The following VWA8 variants were observed in gnomAD, a reference collection of about 807,000 sequenced individuals.
VWA8 encodes the protein von Willebrand factor A domain containing 8.
Under a neutral mutation model 241.5 loss-of-function variants are expected in VWA8, and 221 were observed. The observed-to-expected ratio is 0.91, with a 90% CI of 0.82 to 1.02. The LOEUF (loss-of-function observed/expected upper bound fraction) is 1.02. Among genes scored for constraint, VWA8 ranks in the 50% least tolerant of loss-of-function variants. The pLI, the probability that VWA8 is intolerant of heterozygous loss-of-function variation, is 0.00. For missense variants in VWA8, 2,322 were observed against 2,328.7 expected (o/e 1.00, Z 0.06); for synonymous variants, 852 against 827.1 (o/e 1.03, Z -0.52).
chr13:41,806,220 T>C (rs987550827), intron 17 of VWA8, among the ~76,000 whole-genome samples: 1 of 151,968 alleles, frequency 6.6e-6, no homozygotes, highest in Non-Finnish European at 1.5e-5. Flanking sequence ...CTATAGGATA[T>C]AGCGAAAACA....
chr13:41,889,284 C>T (rs769690850), intron 5 of VWA8, among the ~76,000 whole-genome samples: 11 of 151,962 alleles, frequency 7.2e-5, no homozygotes, highest in East Asian at 1.9e-4. Context: ...TAACATTTAC[C>T]GATAAAAACT....
chr13:41,881,040 G>A (rs1874146677), intron 9 of VWA8, among the ~76,000 whole-genome samples: 1 of 152,122 alleles, frequency 6.6e-6, no homozygotes, highest in African/African-American at 2.4e-5. Flanking sequence ...CACTTTAAAA[G>A]AGAACTCCCA....
Position 41,589,973 on chromosome 13 carries a change from T to C in VWA8, c.5112+667A>G, listed in dbSNP as rs143643382. Among the ~76,000 whole-genome samples the C allele has an allele frequency of 3.6e-3, 543 of 152,362 alleles. 3 individuals are homozygous for C. Among genetic ancestry groups the C allele is most frequent in the African/African-American group, 0.012 (516 of 41,582 alleles). On this transcript the variant is annotated intron_variant, in intron 41 of 44. Transcript: ENST00000379310. ...TTGGTTTCACCCCGGTGCACATTAATACATTTGTATGCCTCTTCTCCTATT... is the reference window on the plus strand; with the variant it reads ...TTGGTTTCACCCCGGTGCACATTAACACATTTGTATGCCTCTTCTCCTATT...
intron 15 of VWA8, among the ~76,000 whole-genome samples, chr13:41,817,008 T>C (rs1566468895): frequency 6.6e-6 from 1 of 152,156 alleles, no homozygotes; most frequent in African/African-American, 2.4e-5. Flanking sequence ...AAGACACTCT[T>C]CTCCATATAC....
Position 41,895,396 on chromosome 13 carries a change from CAG to C in VWA8, c.484-3811_484-3810del, listed in dbSNP as rs573765044. On this transcript the variant is annotated intron_variant, in intron 4 of 44. Coordinates refer to ENST00000379310, the MANE Select transcript of VWA8 (RefSeq NM_015058.2). The stretch of plus-strand genomic sequence containing the variant: ...CACATCTAGAGGTTACTAGTAATCT[CAG>C]AGAGTCTGGTTTTACTAGGCATAGG... 5.8e-3 allele frequency among the ~76,000 whole-genome samples: 886 copies of C among 152,242 alleles called. 12 individuals carry two copies. Among genetic ancestry groups the C allele is most frequent in the Non-Finnish European group, 9.6e-3 (650 of 67,998 alleles).
chr13:41,901,889 A>AAAT (rs1566500253), intron 4 of VWA8, among the ~76,000 whole-genome samples: 10 of 83,340 alleles, frequency 1.2e-4, no homozygotes, highest in Admixed American at 5.1e-4. Flanking sequence ...AAAAAAAAAA[A>AAAT]ATATATATAT....
chr13:41,843,615 GAGA>G (rs1872155838), intron 12 of VWA8, among the ~76,000 whole-genome samples: 1 of 152,024 alleles, frequency 6.6e-6, no homozygotes, highest in African/African-American at 2.4e-5. Flanking sequence ...TAAAAAAAGG[GAGA>G]AGATCCAAAT....
chr13:41,605,623 T>C (rs117788414), intron 39 of VWA8, among the ~76,000 whole-genome samples: 1 of 152,274 alleles, frequency 6.6e-6, no homozygotes, highest in East Asian at 1.9e-4. Flanking sequence ...CCAGTATGAA[T>C]TGGCTTTGTG....
In VWA8 at chr13:41,830,629, G is replaced by C. The variant is rs1180405587; in HGVS notation, c.1600C>G (p.Arg534Gly). Residue 534 changes from arginine (R) to glycine (G), a missense_variant, in exon 14 of 45, where the codon CGA becomes GGA. Transcript: ENST00000379310. ...GAACCATCATAGAGGCTTAGCTCTCGATCATGGATTAACCTAACAAGATAA... is the reference window on the plus strand; with the variant it reads ...GAACCATCATAGAGGCTTAGCTCTCCATCATGGATTAACCTAACAAGATAA... Reference protein sequence around the residue: ...LAVLQRLIHDRELSLYDGSRL... With the variant: ...LAVLQRLIHDGELSLYDGSRL... The C allele has an allele frequency of 1.9e-6, 3 of 1,613,180 alleles. No homozygotes were observed. The highest frequency in any genetic ancestry group is 2.5e-6 in the Non-Finnish European group (3 of 1,179,522).
intron 26 of VWA8, among the ~76,000 whole-genome samples, chr13:41,705,549 T>C (rs184978635): frequency 7.6e-4 from 116 of 152,336 alleles, no homozygotes; most frequent in Admixed American, 2.1e-3. Context: ...TCTGCCAGCA[T>C]AGAAGACATA....
intron 37 of VWA8, among the ~76,000 whole-genome samples, chr13:41,637,968 T>C (rs74749778): frequency 0.033 from 5,037 of 152,296 alleles, 280 homozygotes; most frequent in African/African-American, 0.11. Flanking sequence ...TTATGATCTA[T>C]GAAACCTCAC....
In VWA8 at chr13:41,585,473, C is replaced by T. The variant is rs73181178; in HGVS notation, c.5271+2039G>A. On this transcript the variant is annotated intron_variant, in intron 42 of 44. Transcript: ENST00000379310. ...GTCAGAGCAGCTCTGCCCTCAAAAA[C>T]GTAGAAATCCTATTTCTAACAGGAG... Among the ~76,000 whole-genome samples, 1,480 of 152,266 alleles carry T rather than the reference C, an allele frequency of 9.7e-3. 12 individuals are homozygous for T. Among genetic ancestry groups the T allele is most frequent in the Non-Finnish European group, 0.014 (969 of 68,016 alleles).
chr13:41,870,500 G>C (rs1047589455), intron 9 of VWA8, among the ~76,000 whole-genome samples: 19 of 151,906 alleles, frequency 1.3e-4, no homozygotes, highest in Admixed American at 9.2e-4. Flanking sequence ...TTAGCTGGGC[G>C]TGGTGGCATG....
At chr13:41,898,392 T>C (rs145686256) in intron 4 of VWA8, among the ~76,000 whole-genome samples, 14,202 of 151,834 alleles carry the variant, frequency 0.094, 785 homozygotes, top group African/African-American at 0.17. Context: ...AGATACAGAG[T>C]GTCGATTGGT....
Position 41,699,079 on chromosome 13 carries a change from C to T in VWA8, c.3556G>A (p.Glu1186Lys), listed in dbSNP as rs2045232660. The T allele has an allele frequency of 1.2e-6, 2 of 1,613,782 alleles. No homozygotes were observed. The highest frequency in any genetic ancestry group is 2.7e-5 in the African/African-American group (2 of 74,910). Residue 1186 changes from glutamate to lysine, a missense_variant, in exon 29 of 45, where the codon GAG becomes AAG. Glu to Lys is a moderately conservative substitution (Grantham distance 56). Coordinates refer to ENST00000379310, the MANE Select transcript of VWA8 (RefSeq NM_015058.2). ...AGCCTGGTGTGCATTACCTGCTGCT[C>T]ATGGAGAACCACTTGACCTTTGAGA... ...SPLKGQVVLHEQQSNVILLLD... is the reference protein window; with the variant it reads ...SPLKGQVVLHKQQSNVILLLD...
chr13:41,732,922 G>A (rs2045496064), intron 21 of VWA8, among the ~76,000 whole-genome samples: 1 of 152,184 alleles, frequency 6.6e-6, no homozygotes, highest in South Asian at 2.1e-4. Flanking sequence ...ATATTTTTAA[G>A]GGGATCAATT....
intron 13 of VWA8, among the ~76,000 whole-genome samples, chr13:41,832,875 T>C (rs1033514744): frequency 6.7e-6 from 1 of 149,210 alleles, no homozygotes; most frequent in Non-Finnish European, 1.5e-5. Flanking sequence ...CAAAGTGAGC[T>C]TTTTTAGTCT....
rs377637808 is a variant in VWA8, at chr13:41,676,821, C to CG, written c.4328-1526dup. On this transcript the variant is annotated intron_variant, in intron 35 of 44. Transcript: ENST00000379310. Reference sequence around the variant, plus strand: ...CTAATTTTTGTATTTTTAGTAGAGACGGGGTTTCACCATGTTGGCCAGGCT... The same window carrying CG: ...CTAATTTTTGTATTTTTAGTAGAGACGGGGGTTTCACCATGTTGGCCAGGCT... Among the ~76,000 whole-genome samples the CG allele has an allele frequency of 2.9e-3, 447 of 151,928 alleles. 2 individuals are homozygous for CG. The highest frequency in any genetic ancestry group is 0.01 in the African/African-American group (420 of 41,426).
intron 41 of VWA8, 59 bp downstream of exon 41, chr13:41,590,581 G>A: frequency 3.3e-6 from 5 of 1,496,126 alleles, no homozygotes; most frequent in Non-Finnish European, 3.6e-6. Flanking sequence ...ACGAAAGCAA[G>A]TTTCTGTAAA....
Sources: allele counts gnomAD v4.1 joint callset (sites outside exome capture counted in the v4.1 genomes callset), GRCh38; gene constraint gnomAD v4.1.1; transcripts MANE v1.5; gene names NCBI Gene and HGNC (gene_info 2026-07-23, HGNC 2026-07-21).